PGM5: variants seen among roughly 807,000 people sequenced by gnomAD.
The protein encoded by PGM5 is phosphoglucomutase 5.
PGM5 carries 23 observed loss-of-function variants against 59.2 expected under a neutral mutation model. That is an observed-to-expected ratio of 0.39 (90% confidence interval 0.28 to 0.55). PGM5 has a LOEUF of 0.55. Among genes scored for constraint, PGM5 ranks in the 20% least tolerant of loss-of-function variants. PGM5 has a pLI of 0.66. For synonymous variants in PGM5, 214 were observed against 286.0 expected, an observed-to-expected ratio of 0.75 and a Z score of 2.54; for missense variants, 574 against 748.3, an observed-to-expected ratio of 0.77 and a Z score of 2.72.
intron 6 of PGM5, among the ~76,000 whole-genome samples, chr9:68,431,076 AAAC>A (rs1446357876): frequency 6.6e-6 from 1 of 152,224 alleles, no homozygotes; most frequent in Non-Finnish European, 1.5e-5. Context: ...ACATTCAAAG[AAAC>A]AACCAAAAGC....
At chr9:68,442,319 T>C (rs1382451973) in intron 6 of PGM5, among the ~76,000 whole-genome samples, 2 of 152,200 alleles carry the variant, frequency 1.3e-5, no homozygotes, top group African/African-American at 4.8e-5. Context: ...AGTTTTGCTC[T>C]TGTTGCTGGG....
chr9:68,424,502 C>G (rs1325317276), intron 6 of PGM5, among the ~76,000 whole-genome samples: 7 of 152,104 alleles, frequency 4.6e-5, no homozygotes, highest in African/African-American at 7.2e-5. Context: ...TCTAATCACC[C>G]CCAAAAGGTC....
chr9:68,392,871 T>C (rs1468200879), intron 6 of PGM5, among the ~76,000 whole-genome samples: 1 of 152,134 alleles, frequency 6.6e-6, no homozygotes, highest in Non-Finnish European at 1.5e-5. Flanking sequence ...AAAGTGTGTA[T>C]GTATAAGTGA....
chr9:68,393,771 C>T (rs1481878684), intron 6 of PGM5: 1 of 151,750 alleles, frequency 6.6e-6, no homozygotes, highest in African/African-American at 2.4e-5. Context: ...AAATATTTAC[C>T]CAAAAATAAT....
chr9:68,529,616 A>G lies in PGM5; in HGVS notation c.1664A>G (p.His555Arg). 6.2e-7 allele frequency: 1 copy of G among 1,601,200 alleles called. No individual in the cohort carries two copies. The highest frequency in any genetic ancestry group is 8.5e-7 in the Non-Finnish European group (1 of 1,171,672). The stretch of plus-strand genomic sequence containing the variant: ...ATCGCACTGAAAATATCCCAGATTC[A>G]TGAGAGAACTGGCCGGAGGGGACCC... ...IAIALKISQI[H>R]ERTGRRGPTV... Residue 555 changes from histidine to arginine, a missense_variant, in exon 11 of 11, where the codon CAT becomes CGT. By Grantham distance (29) the His-to-Arg change is conservative. Transcript: ENST00000396396.
chr9:68,379,740 A>C (rs1430366392), intron 2 of PGM5, among the ~76,000 whole-genome samples: 1 of 152,082 alleles, frequency 6.6e-6, no homozygotes, highest in Non-Finnish European at 1.5e-5. Flanking sequence ...GCATATATTG[A>C]AAGTAAAGGG....
At chr9:68,442,295 T>G (rs1823540407) in intron 6 of PGM5, among the ~76,000 whole-genome samples, 1 of 152,242 alleles carries the variant, frequency 6.6e-6, no homozygotes, top group Non-Finnish European at 1.5e-5. Flanking sequence ...TTTTTTTCTT[T>G]TTTTTTGAGA....
At chr9:68,377,146 C>G (rs1414020842) in intron 1 of PGM5, among the ~76,000 whole-genome samples, 1 of 152,022 alleles carries the variant, frequency 6.6e-6, no homozygotes, top group Non-Finnish European at 1.5e-5. Flanking sequence ...AGGCTGGTCT[C>G]GAACTCTGGA....
chr9:68,493,580 T>C (rs769741763), intron 9 of PGM5, among the ~76,000 whole-genome samples: 1 of 152,214 alleles, frequency 6.6e-6, no homozygotes, highest in Non-Finnish European at 1.5e-5. Flanking sequence ...CAAGAATGAC[T>C]CTAAGATCCT....
chr9:68,376,693 G>A (rs1243914455), intron 1 of PGM5, among the ~76,000 whole-genome samples: 1 of 152,056 alleles, frequency 6.6e-6, no homozygotes, highest in Non-Finnish European at 1.5e-5. Flanking sequence ...AATTATCTGG[G>A]AAGAGAGGAG....
Position 68,529,765 on chromosome 9 carries a change from A to C in PGM5, c.*109A>C. 2 of 477,176 alleles carry C rather than the reference A, an allele frequency of 4.2e-6. No individual in the cohort carries two copies. Among genetic ancestry groups the C allele is most frequent in the East Asian group, 5.2e-5 (1 of 19,162 alleles). The allele number at this position is 477,176 out of a possible 1,614,324, so 29.6% of individuals were successfully genotyped here. On this transcript the variant is annotated 3_prime_UTR_variant, in exon 11 of 11. Transcript: ENST00000396396. Reference sequence around the variant, plus strand: ...CCTCTTATGACTTTGGAAAAACAAAAGATATTTTGCTTTTGGGGGATAGAG... The same window carrying C: ...CCTCTTATGACTTTGGAAAAACAAACGATATTTTGCTTTTGGGGGATAGAG...
intron 7 of PGM5, among the ~76,000 whole-genome samples, chr9:68,471,923 A>C (rs1714073698): frequency 6.6e-6 from 1 of 152,006 alleles, no homozygotes; most frequent in South Asian, 2.1e-4. Context: ...CATCTCAAAA[A>C]AAAAGGACAA....
intron 9 of PGM5, among the ~76,000 whole-genome samples, chr9:68,486,272 T>G (rs1554687540): frequency 1.3e-5 from 2 of 152,190 alleles, no homozygotes; most frequent in East Asian, 1.9e-4. Flanking sequence ...AGTATCTTTA[T>G]TGATATATAA....
chr9:68,416,597 CTCTT>C (rs1320471713), intron 6 of PGM5, among the ~76,000 whole-genome samples: 1 of 152,212 alleles, frequency 6.6e-6, no homozygotes, highest in African/African-American at 2.4e-5. Context: ...AATATGTATT[CTCTT>C]TCTTCTCATT....
At chr9:68,520,310 A>G (rs1033602432) in intron 10 of PGM5, among the ~76,000 whole-genome samples, 1 of 152,070 alleles carries the variant, frequency 6.6e-6, no homozygotes, top group African/African-American at 2.4e-5. Flanking sequence ...CCCCAGGAAG[A>G]CACAGTAGTT....
rs139921375 is a variant in PGM5, at chr9:68,530,036, A to T, written c.*380A>T. 5.9e-6 allele frequency: 1 copy of T among 168,438 alleles called. No individual in the cohort carries two copies. Among genetic ancestry groups the T allele is most frequent in the Non-Finnish European group, 1.3e-5 (1 of 78,980 alleles). The allele number at this position is 168,438 out of a possible 1,614,324, so 10.4% of individuals were successfully genotyped here. A position where few individuals can be genotyped will look rare whatever the true frequency, so the allele number is the denominator to read the frequency against. On this transcript the variant is annotated 3_prime_UTR_variant, in exon 11 of 11. Coordinates refer to ENST00000396396, the MANE Select transcript of PGM5 (RefSeq NM_021965.4). ...CAAGAGAGAACAGTGCCAGAATGAA[A>T]CTGACCCTAAGTCCCAGGTGCCCCT...
At chr9:68,465,045 C>G (rs2132079041) in intron 6 of PGM5, 48 bp from the exon 7 acceptor site, 1 of 1,235,364 alleles carries the variant, frequency 8.1e-7, no homozygotes, top group East Asian at 2.4e-5. Flanking sequence ...GAAAAAAAAA[C>G]AGAAAATGAA....
At chr9:68,440,318 C>T (rs1243482922) in intron 6 of PGM5, among the ~76,000 whole-genome samples, 1 of 152,038 alleles carries the variant, frequency 6.6e-6, no homozygotes, top group Non-Finnish European at 1.5e-5. Context: ...CCAGGTAGAC[C>T]ACATCCTGGG....
At chr9:68,456,673 G>A (rs1199742900) in intron 6 of PGM5, among the ~76,000 whole-genome samples, 5 of 143,146 alleles carry the variant, frequency 3.5e-5, no homozygotes, top group Admixed American at 7.2e-5. Context: ...CACCCAGGCT[G>A]GAGTACAATG....
Sources: gnomAD v4.1 joint callset for allele counts (sites outside exome capture counted in the v4.1 genomes callset) on GRCh38, gnomAD v4.1.1 for gene constraint, MANE v1.5 for transcripts, NCBI Gene and HGNC (gene_info 2026-07-23, HGNC 2026-07-21) for gene names.